ERO1B: variants seen among roughly 807,000 people sequenced by gnomAD.
The protein encoded by ERO1B is ERO1-like protein beta.
A neutral mutation model predicts 75.3 loss-of-function variants in ERO1B; 49 were observed. That is an observed-to-expected ratio of 0.65 (90% confidence interval 0.52 to 0.83). The LOEUF (loss-of-function observed/expected upper bound fraction) is 0.83. ERO1B is among the 40% of genes least tolerant of loss of function. ERO1B has a pLI of 0.00. For synonymous variants in ERO1B, 191 were observed against 192.9 expected (o/e 0.99, Z 0.08); for missense variants, 512 against 560.1 (o/e 0.91, Z 0.87).
At chr1:236,246,159 A>G (rs1664881671) in intron 5 of ERO1B, among the ~76,000 whole-genome samples, 1 of 152,078 alleles carries the variant, frequency 6.6e-6, no homozygotes, top group African/African-American at 2.4e-5. Context: ...ATATGTATGT[A>G]CCAAATTTTT....
chr1:236,241,995 G>A (rs1365584410), intron 6 of ERO1B, among the ~76,000 whole-genome samples: 1 of 151,516 alleles, frequency 6.6e-6, no homozygotes, highest in African/African-American at 2.4e-5. Context: ...GTGAACCTGG[G>A]GGGCGGAGCT....
At chr1:236,259,899 A>C (rs1282892839) in intron 2 of ERO1B, among the ~76,000 whole-genome samples, 1 of 152,214 alleles carries the variant, frequency 6.6e-6, no homozygotes, top group Admixed American at 6.5e-5. Context: ...AGATATTTAT[A>C]GAATATTCCA....
chr1:236,281,594 G>A (rs1572077414), intron 1 of ERO1B, 88 bp downstream of exon 1: 1 of 1,007,560 alleles, frequency 9.9e-7, no homozygotes. Context: ...GGCCCTGCCC[G>A]GCCCTCCCCG....
chr1:236,234,608 T>C (rs943016526), intron 8 of ERO1B, among the ~76,000 whole-genome samples: 6 of 152,216 alleles, frequency 3.9e-5, no homozygotes, highest in Non-Finnish European at 8.8e-5. Flanking sequence ...AACTTCCTTC[T>C]CCAGGCAGTT....
At chr1:236,278,062 T>C (rs539540993) in intron 1 of ERO1B, among the ~76,000 whole-genome samples, 11 of 152,286 alleles carry the variant, frequency 7.2e-5, no homozygotes, top group African/African-American at 2.6e-4. Context: ...TTGTGATATT[T>C]TACTGCTAGC....
chr1:236,264,329 G>A (rs1005829667), intron 2 of ERO1B, among the ~76,000 whole-genome samples: 2 of 151,928 alleles, frequency 1.3e-5, no homozygotes, highest in African/African-American at 2.4e-5. Context: ...GACTAGTCTC[G>A]AACTCCTGGC....
intron 2 of ERO1B, among the ~76,000 whole-genome samples, chr1:236,266,594 ACT>A (rs1385980405): frequency 6.6e-6 from 1 of 151,400 alleles, no homozygotes; most frequent in Non-Finnish European, 1.5e-5. Flanking sequence ...ACAGAGCAAG[ACT>A]CTGTCTCAAA....
At chr1:236,280,061 A>G (rs1665796401) in intron 1 of ERO1B, among the ~76,000 whole-genome samples, 1 of 152,212 alleles carries the variant, frequency 6.6e-6, no homozygotes, top group Admixed American at 6.5e-5. Context: ...AGCCAAAGTA[A>G]GAGGCTCGCT....
intron 6 of ERO1B, among the ~76,000 whole-genome samples, chr1:236,239,185 T>C (rs1322555223): frequency 6.6e-6 from 1 of 152,190 alleles, no homozygotes; most frequent in African/African-American, 2.4e-5. Flanking sequence ...AAAAAAATCT[T>C]GTAATACTTT....
In ERO1B at chr1:236,215,835, T is replaced by C. The variant is rs1228085751; in HGVS notation, c.*2681A>G. On this transcript the variant is annotated 3_prime_UTR_variant, in exon 16 of 16. Transcript: ENST00000354619. ...TTCCCAAATTTTCAGCTGAAGGCAA[T>C]GCTGATGAAGATCAAAATAGCTGTC... 1.3e-5 allele frequency: 2 copies of C among 152,190 alleles called. No individual in the cohort carries two copies. Among genetic ancestry groups the C allele is most frequent in the Non-Finnish European group, 2.9e-5 (2 of 68,018 alleles). 9.4% of individuals were successfully genotyped at this position (152,190 alleles called of 1,614,324 possible). A position where few individuals can be genotyped will look rare whatever the true frequency, so the allele number is the denominator to read the frequency against.
chr1:236,275,101 G>C lies in ERO1B; in HGVS notation c.103-5107C>G, dbSNP rs574719506. 5.3e-5 allele frequency among the ~76,000 whole-genome samples: 8 copies of C among 152,318 alleles called. No homozygotes were observed. In the South Asian group the frequency reaches 1.7e-3, roughly 32 times the overall value. On this transcript the variant is annotated intron_variant, in intron 1 of 15. Coordinates refer to ENST00000354619, the MANE Select transcript of ERO1B (RefSeq NM_019891.4). ...AAGAAGGAGAATTAGACCACTATAA[G>C]ATTTTAGCTTTTACTGAATCTGAGT...
chr1:236,272,425 C>G (rs374364490), intron 1 of ERO1B, among the ~76,000 whole-genome samples: 1 of 152,146 alleles, frequency 6.6e-6, no homozygotes, highest in African/African-American at 2.4e-5. Flanking sequence ...ATGGATGCAG[C>G]TGGAGGCCAT....
intron 9 of ERO1B, 135 bp from the exon 10 acceptor site, chr1:236,230,385 G>A (rs979945383): frequency 6.2e-6 from 4 of 649,340 alleles, no homozygotes; most frequent in Admixed American, 2.7e-5. Flanking sequence ...GCCGAGGTGG[G>A]CTGATCACTT....
At chr1:236,254,515 T>C (rs1665114077) in intron 2 of ERO1B, among the ~76,000 whole-genome samples, 2 of 152,200 alleles carry the variant, frequency 1.3e-5, no homozygotes, top group Admixed American at 6.5e-5. Flanking sequence ...CTCCATAACC[T>C]GGCCTCTGGC....
chr1:236,235,826 A>C lies in ERO1B; in HGVS notation c.636T>G (p.Ser212=), dbSNP rs748761871. The C allele has an allele frequency of 6.2e-7, 1 of 1,612,938 alleles. No individual in the cohort carries two copies. The highest frequency in any genetic ancestry group is 2.2e-5 in the East Asian group (1 of 44,840). Residue 212 remains serine (S), a synonymous_variant, in exon 8 of 16, where the codon TCT becomes TCG. Transcript: ENST00000354619. ...CCAGAGGATTTAAAGGACGATAAACAGATCGAGGCCTGAAAAAGAAAGCAT... is the reference window on the plus strand; with the variant it reads ...CCAGAGGATTTAAAGGACGATAAACCGATCGAGGCCTGAAAAAGAAAGCAT... ...IYEENCFKPR[S]VYRPLNPLAP... is the part of the protein sequence containing the mutation.
chr1:236,246,803 G>C (rs1349619153), intron 5 of ERO1B, among the ~76,000 whole-genome samples: 1 of 152,136 alleles, frequency 6.6e-6, no homozygotes, highest in Non-Finnish European at 1.5e-5. Flanking sequence ...GGTGGCTATA[G>C]AGTTGGGTTC....
At chr1:236,253,030 A>G (rs1665072806) in intron 3 of ERO1B, among the ~76,000 whole-genome samples, 2 of 152,084 alleles carry the variant, frequency 1.3e-5, no homozygotes, top group African/African-American at 4.8e-5. Flanking sequence ...TCCCCAATTA[A>G]ATCACTATAA....
At chr1:236,239,311 C>T (rs1664623569) in intron 6 of ERO1B, among the ~76,000 whole-genome samples, 1 of 152,132 alleles carries the variant, frequency 6.6e-6, no homozygotes, top group African/African-American at 2.4e-5. Context: ...TCATGGAACA[C>T]AGCCATGTTC....
rs572102268 is a variant in ERO1B, at chr1:236,265,200, T to C, written c.222+4675A>G. 6.6e-5 allele frequency among the ~76,000 whole-genome samples: 10 copies of C among 152,302 alleles called. No individual in the cohort carries two copies. The South Asian group carries it at 2.1e-3, about 32-fold the overall frequency. ...TGAGAATTCCTCTAGTGTTTCCCCA[T>C]ATGCAAGACGTGTTAGCTATGCTGA... On this transcript the variant is annotated intron_variant, in intron 2 of 15. Transcript: ENST00000354619.
Sources: allele counts gnomAD v4.1 joint callset (sites outside exome capture counted in the v4.1 genomes callset), GRCh38; gene constraint gnomAD v4.1.1; transcripts MANE v1.5; gene names NCBI Gene and HGNC (gene_info 2026-07-23, HGNC 2026-07-21).